The following SEMA3C variants were observed in gnomAD, a reference collection of about 807,000 sequenced individuals.
SEMA3C encodes the protein semaphorin-3C.
SEMA3C carries 47 observed loss-of-function variants against 89.4 expected under a neutral mutation model. That is an observed-to-expected ratio of 0.53 (90% CI 0.42 to 0.67). SEMA3C has a LOEUF of 0.67. Ranked by LOEUF, SEMA3C falls within the 30% of genes least tolerant of loss-of-function variation. The pLI, the probability that SEMA3C is intolerant of heterozygous loss-of-function variation, is 0.00. For missense variants in SEMA3C, 839 were observed against 929.1 expected, an observed-to-expected ratio of 0.90 and a Z score of 1.26; for synonymous variants, 310 against 320.2, an observed-to-expected ratio of 0.97 and a Z score of 0.34.
intron 4 of SEMA3C, among the ~76,000 whole-genome samples, chr7:80,825,601 G>A (rs956158902): frequency 4.6e-5 from 7 of 151,990 alleles, no homozygotes; most frequent in East Asian, 1.9e-4. Flanking sequence ...TCAGAAACTC[G>A]GCAGCAATTT....
chr7:80,846,129 C>G (rs1790383218), intron 2 of SEMA3C, among the ~76,000 whole-genome samples: 1 of 152,096 alleles, frequency 6.6e-6, no homozygotes, highest in East Asian at 1.9e-4. Context: ...AGAAAAATGT[C>G]TCATCTAAAG....
rs573812720 is a variant in SEMA3C at position 80,766,675 on chromosome 7, C to A, written c.1355-1432G>T. 2.1e-3 allele frequency among the ~76,000 whole-genome samples: 314 copies of A among 151,700 alleles called. 1 individual carries two copies. Among genetic ancestry groups the A allele is most frequent in the African/African-American group, 7.1e-3 (292 of 41,290 alleles). On this transcript the variant is annotated intron_variant, in intron 12 of 17. Transcript: ENST00000265361. ...TTTCCTCAAGACGCCAAGAACCGGA[C>A]ACCCTCCACCGTTAACAGTGCCAGG...
rs776319585 is a variant in SEMA3C, at chr7:80,810,655, C to T, written c.494G>A (p.Arg165His). The T allele has an allele frequency of 3.7e-6, 6 of 1,613,678 alleles. No homozygotes were observed. Among genetic ancestry groups the T allele is most frequent in the South Asian group, 3.3e-5 (3 of 91,092 alleles). ...IDSKCESGKG[R>H]CSFNPNVNTV... ...GTTCACGTTGGGGTTGAAAGAGCAG[C>T]GTCCTTTTCCAGATTCACACTTGGA... Residue 165 changes from arginine to histidine, a missense_variant, in exon 6 of 18, where the codon CGC (arginine) becomes CAC (histidine). Transcript: ENST00000265361.
chr7:80,758,580 T>G, intron 14 of SEMA3C, 92 bp from the exon 15 acceptor site: 1 of 1,250,222 alleles, frequency 8.0e-7, no homozygotes, highest in Non-Finnish European at 1.2e-6. Context: ...CCACAAACCC[T>G]TGGATTCATT....
At chr7:80,755,857 C>T (rs1277168874) in intron 15 of SEMA3C, among the ~76,000 whole-genome samples, 1 of 152,040 alleles carries the variant, frequency 6.6e-6, no homozygotes, top group Admixed American at 6.6e-5. Flanking sequence ...GGCCTCCAGC[C>T]CCATATTAAG....
intron 2 of SEMA3C, chr7:80,847,356 CAATAA>C (rs1790413767): frequency 6.6e-6 from 1 of 152,130 alleles, no homozygotes; most frequent in Admixed American, 6.6e-5. Flanking sequence ...CTGTAGTATA[CAATAA>C]GAGTAAATTT....
intron 7 of SEMA3C, among the ~76,000 whole-genome samples, chr7:80,804,449 A>C (rs1324190796): frequency 6.6e-6 from 1 of 152,182 alleles, no homozygotes; most frequent in African/African-American, 2.4e-5. Context: ...GAAGTGCAGG[A>C]AATGTGAAAA....
upstream of SEMA3C, chr7:80,919,139 C>A (rs1479745534): frequency 3.0e-6 from 3 of 984,520 alleles, no homozygotes; most frequent in Non-Finnish European, 3.6e-6. Context: ...CCCCGGCGCG[C>A]CGCCCTGCAG....
chr7:80,920,617 T>G (rs2057880), upstream of SEMA3C, among the ~76,000 whole-genome samples: 77,011 of 151,966 alleles, frequency 0.51, 20,796 homozygotes, highest in Admixed American at 0.61. Flanking sequence ...AATGCAAATT[T>G]ATGAGTTCAA....
chr7:80,792,677 T>C (rs545976160), intron 11 of SEMA3C, among the ~76,000 whole-genome samples: 12 of 152,314 alleles, frequency 7.9e-5, no homozygotes, highest in African/African-American at 2.9e-4. Flanking sequence ...CATTAAAATA[T>C]TCTCCACAAG....
At chr7:80,830,339 C>A (rs1352997619) in intron 2 of SEMA3C, among the ~76,000 whole-genome samples, 1 of 152,092 alleles carries the variant, frequency 6.6e-6, no homozygotes, top group African/African-American at 2.4e-5. Context: ...TTAATTGACA[C>A]ATATAAATAC....
At chr7:80,790,049 C>T (rs1583879892) in intron 11 of SEMA3C, among the ~76,000 whole-genome samples, 1 of 152,206 alleles carries the variant, frequency 6.6e-6, no homozygotes, top group South Asian at 2.1e-4. Flanking sequence ...CTTTGGGAGG[C>T]TGAGATGAGA....
intron 12 of SEMA3C, among the ~76,000 whole-genome samples, chr7:80,787,148 C>T (rs1443629660): frequency 6.6e-6 from 1 of 152,078 alleles, no homozygotes; most frequent in Non-Finnish European, 1.5e-5. Context: ...AATCCCAGCA[C>T]TTTGGGAGGC....
upstream of SEMA3C, among the ~76,000 whole-genome samples, chr7:80,920,414 CTG>C (rs1267070397): frequency 6.6e-6 from 1 of 152,152 alleles, no homozygotes; most frequent in African/African-American, 2.4e-5. Flanking sequence ...TTCTTATAAA[CTG>C]TATCATAGAA....
Position 80,754,966 on chromosome 7 carries a change from T to TTGTTTTTTTTG in SEMA3C, c.1643+3364_1643+3365insCAAAAAAAACA, listed in dbSNP as rs1554359516. 2.2e-3 allele frequency among the ~76,000 whole-genome samples: 301 copies of TTGTTTTTTTTG among 139,092 alleles called. 10 individuals carry two copies. Among genetic ancestry groups the TTGTTTTTTTTG allele is most frequent in the Middle Eastern group, 7.6e-3 (2 of 262 alleles). 91.2% of individuals were successfully genotyped at this position (139,092 alleles called of 152,430 possible). ...CGAATTGTTTTTTTTTGTTTTTTTTTTTTTTGTATTTTTAGTAGAGATGGG... is the reference window on the plus strand; with the variant it reads ...CGAATTGTTTTTTTTTGTTTTTTTTTTGTTTTTTTTGTTTTTGTATTTTTAGTAGAGATGGG... On this transcript the variant is annotated intron_variant, in intron 15 of 17. Coordinates refer to ENST00000265361, the MANE Select transcript of SEMA3C (RefSeq NM_006379.5).
chr7:80,852,827 C>G, intron 2 of SEMA3C, among the ~76,000 whole-genome samples: 1 of 151,822 alleles, frequency 6.6e-6, no homozygotes, highest in Non-Finnish European at 1.5e-5. Flanking sequence ...TACAGGTGCC[C>G]ACCACCACGC....
chr7:80,918,852 A>G lies in SEMA3C; in HGVS notation c.-63T>C. ...CCGAGGTTGAAAGAAATCAGCACGG[A>G]AAAGTCATCAGTTTGCTACCGGGGT... On this transcript the variant is annotated 5_prime_UTR_variant, in exon 1 of 18. Transcript: ENST00000265361. 1 of 985,490 alleles carries G rather than the reference A, an allele frequency of 1.0e-6. No homozygotes were observed. Among genetic ancestry groups the G allele is most frequent in the Non-Finnish European group, 1.2e-6 (1 of 829,960 alleles). 61.0% of individuals were successfully genotyped at this position (985,490 alleles called of 1,614,324 possible).
At chr7:80,754,481 G>T (rs575734056) in intron 15 of SEMA3C, among the ~76,000 whole-genome samples, 1 of 151,746 alleles carries the variant, frequency 6.6e-6, no homozygotes, top group South Asian at 2.1e-4. Flanking sequence ...AATAAATGTG[G>T]AAAAGTACTC....
intron 2 of SEMA3C, among the ~76,000 whole-genome samples, chr7:80,838,482 C>A (rs1483570211): frequency 6.6e-6 from 1 of 151,990 alleles, no homozygotes; most frequent in Non-Finnish European, 1.5e-5. Flanking sequence ...ATGTAAAAAC[C>A]AATCTTAGAA....
Sources: allele counts gnomAD v4.1 joint callset (sites outside exome capture counted in the v4.1 genomes callset), GRCh38; gene constraint gnomAD v4.1.1; transcripts MANE v1.5; gene names NCBI Gene and HGNC (gene_info 2026-07-23, HGNC 2026-07-21).